Variants in TNRC6B observed in about 807,000 individuals in gnomAD.
TNRC6B encodes trinucleotide repeat containing adaptor 6B.
Under a neutral mutation model 203.6 loss-of-function variants are expected in TNRC6B, and 52 were observed. That is an observed-to-expected ratio of 0.26 (90% CI 0.20 to 0.32). The LOEUF is 0.32. Ranked by LOEUF, TNRC6B falls within the 10% of genes least tolerant of loss-of-function variation. The pLI is 1.00. For synonymous variants in TNRC6B, 838 were observed against 845.7 expected (o/e 0.99, Z 0.16); for missense variants, 1,923 against 2,286.2 (o/e 0.84, Z 3.24).
chr22:40,147,567 C>T (rs1049547023), intron 3 of TNRC6B, among the ~76,000 whole-genome samples: 1 of 152,178 alleles, frequency 6.6e-6, no homozygotes, highest in Non-Finnish European at 1.5e-5. Flanking sequence ...ACTGCGTCCC[C>T]ACGTGGCAAA....
chr22:40,296,880 T>C (rs1423609729), intron 12 of TNRC6B, among the ~76,000 whole-genome samples: 2 of 152,290 alleles, frequency 1.3e-5, no homozygotes, highest in African/African-American at 4.8e-5. Flanking sequence ...TCCGCCCGAC[T>C]TGGCCTCCCA....
At chr22:40,069,818 G>A (rs992156644) in intron 1 of TNRC6B, among the ~76,000 whole-genome samples, 5 of 151,950 alleles carry the variant, frequency 3.3e-5, no homozygotes, top group Admixed American at 3.3e-4. Flanking sequence ...AATAATTAGG[G>A]GTTCTTTTCT....
At chr22:40,059,530 T>C (rs1410471033) in intron 1 of TNRC6B, among the ~76,000 whole-genome samples, 1 of 152,212 alleles carries the variant, frequency 6.6e-6, no homozygotes, top group Non-Finnish European at 1.5e-5. Context: ...TTTTCTCCTG[T>C]GTCTTAGGGA....
chr22:40,136,663 C>G (rs1279917595), intron 3 of TNRC6B, among the ~76,000 whole-genome samples: 1 of 151,852 alleles, frequency 6.6e-6, no homozygotes, highest in Admixed American at 6.6e-5. Context: ...CCCACCTTAG[C>G]CTCCGAAAGT....
chr22:40,257,718 A>G (rs1417702014), intron 3 of TNRC6B, among the ~76,000 whole-genome samples: 1 of 150,812 alleles, frequency 6.6e-6, no homozygotes, highest in Admixed American at 6.6e-5. Flanking sequence ...CTCCGCCTCA[A>G]AAAAAAAAGT....
intron 1 of TNRC6B, among the ~76,000 whole-genome samples, chr22:40,239,586 G>A (rs904899407): frequency 2.6e-5 from 4 of 152,154 alleles, no homozygotes; most frequent in South Asian, 4.1e-4. Context: ...TTTGTCAGGC[G>A]TGCAGAATGA....
chr22:40,116,295 T>A (rs2068387540), intron 1 of TNRC6B, among the ~76,000 whole-genome samples: 1 of 152,238 alleles, frequency 6.6e-6, no homozygotes, highest in South Asian at 2.1e-4. Flanking sequence ...TTTGAGCACC[T>A]ACACACACAT....
chr22:40,097,413 C>G (rs2068194167), intron 1 of TNRC6B, among the ~76,000 whole-genome samples: 1 of 152,018 alleles, frequency 6.6e-6, no homozygotes, highest in South Asian at 2.1e-4. Flanking sequence ...TCAAACAGTC[C>G]TCCTGCTTCA....
chr22:40,321,295 C>T lies in TNRC6B; in HGVS notation c.5114+66C>T, dbSNP rs568749582. The T allele has an allele frequency of 9.2e-4, 1,432 of 1,557,524 alleles. 9 individuals are homozygous for T. The highest frequency in any genetic ancestry group is 2.9e-3 in the Middle Eastern group (15 of 5,088). On this transcript the variant is annotated intron_variant, in intron 22 of 22. Coordinates refer to ENST00000454349, the MANE Select transcript of TNRC6B (RefSeq NM_001162501.2). ...GAAGATGCACCCGTGAGTATTCTGG[C>T]AGCTGCTGAATTAAAGATGCACCAG...
intron 1 of TNRC6B, among the ~76,000 whole-genome samples, chr22:40,227,368 T>TC (rs1388642091): frequency 1.5e-5 from 2 of 135,764 alleles, no homozygotes; most frequent in African/African-American, 5.5e-5. Flanking sequence ...CTTTTTTTTT[T>TC]TTTTTTTTTT....
chr22:40,136,095 T>G (rs2068596810), intron 3 of TNRC6B, among the ~76,000 whole-genome samples: 1 of 152,158 alleles, frequency 6.6e-6, no homozygotes, highest in Non-Finnish European at 1.5e-5. Context: ...TCTGGCACGG[T>G]CTCCAGACCT....
intron 3 of TNRC6B, among the ~76,000 whole-genome samples, chr22:40,257,582 G>T (rs978146324): frequency 1.3e-5 from 2 of 151,942 alleles, no homozygotes; most frequent in Non-Finnish European, 2.9e-5. Flanking sequence ...CGGGTATGGT[G>T]GTGCACACCT....
At chr22:40,076,609 C>T (rs1031037903) in intron 1 of TNRC6B, among the ~76,000 whole-genome samples, 2 of 152,156 alleles carry the variant, frequency 1.3e-5, no homozygotes, top group African/African-American at 2.4e-5. Context: ...TCTCCCTTTG[C>T]CCAGGCTAGT....
chr22:40,147,848 T>C (rs2068708963), intron 3 of TNRC6B, among the ~76,000 whole-genome samples: 1 of 152,108 alleles, frequency 6.6e-6, no homozygotes, highest in Admixed American at 6.6e-5. Context: ...GGTAGATTCG[T>C]GGTTGTCTGG....
chr22:40,079,090 A>G (rs1190686549), intron 1 of TNRC6B, among the ~76,000 whole-genome samples: 1 of 151,888 alleles, frequency 6.6e-6, no homozygotes, highest in Non-Finnish European at 1.5e-5. Flanking sequence ...AAAAAAGAAA[A>G]GAAAAAGAAA....
intron 1 of TNRC6B, among the ~76,000 whole-genome samples, chr22:40,241,671 A>C (rs954819406): frequency 8.5e-5 from 13 of 152,196 alleles, no homozygotes; most frequent in Non-Finnish European, 1.6e-4. Context: ...GTTCACATGG[A>C]TTACTTGATT....
intron 3 of TNRC6B, among the ~76,000 whole-genome samples, chr22:40,140,780 A>G (rs893863712): frequency 6.6e-6 from 1 of 152,064 alleles, no homozygotes; most frequent in African/African-American, 2.4e-5. Flanking sequence ...AGCTGGGACT[A>G]CAGGTGCATG....
chr22:40,148,440 C>T (rs1450618318), intron 3 of TNRC6B, among the ~76,000 whole-genome samples: 7 of 151,978 alleles, frequency 4.6e-5, no homozygotes, highest in South Asian at 2.1e-4. Flanking sequence ...CCTGCCACCA[C>T]GCCCAGCTAA....
intron 1 of TNRC6B, among the ~76,000 whole-genome samples, chr22:40,220,584 C>G (rs534972891): frequency 2.0e-5 from 3 of 152,256 alleles, no homozygotes; most frequent in East Asian, 3.9e-4. Flanking sequence ...ATCACTGTAT[C>G]TTCTTAGAAA....
Sources: allele counts gnomAD v4.1 joint callset (sites outside exome capture counted in the v4.1 genomes callset), GRCh38; gene constraint gnomAD v4.1.1; transcripts MANE v1.5; gene names NCBI Gene and HGNC (gene_info 2026-07-23, HGNC 2026-07-21).